CREB5: variants seen among roughly 807,000 people sequenced by gnomAD.
CREB5 encodes cyclic AMP-responsive element-binding protein 5.
A neutral mutation model predicts 57.1 loss-of-function variants in CREB5; 19 were observed. That is an observed-to-expected ratio of 0.33 (90% CI 0.23 to 0.49). CREB5 has a LOEUF of 0.49. Ranked by LOEUF, CREB5 falls within the 20% of genes least tolerant of loss-of-function variation. CREB5 has a pLI of 0.99. For missense variants in CREB5, 579 were observed against 671.6 expected (o/e 0.86, Z 1.52); for synonymous variants, 238 against 238.3 (o/e 1.00, Z 0.01).
chr7:28,652,579 C>A (rs968824346), intron 5 of CREB5, among the ~76,000 whole-genome samples: 1 of 152,178 alleles, frequency 6.6e-6, no homozygotes, highest in African/African-American at 2.4e-5. Context: ...CCTCTACTTT[C>A]TTTGAGCCTT....
intron 1 of CREB5, among the ~76,000 whole-genome samples, chr7:28,350,582 A>C (rs1236912642): frequency 1.3e-5 from 2 of 152,048 alleles, no homozygotes; most frequent in African/African-American, 4.8e-5. Flanking sequence ...AAGCAAACAA[A>C]AAACAAACAA....
chr7:28,804,534 C>A lies in CREB5; in HGVS notation c.1026+12C>A. 1 of 1,611,266 alleles carries A rather than the reference C, an allele frequency of 6.2e-7. No individual in the cohort carries two copies. The highest frequency in any genetic ancestry group is 1.1e-5 in the South Asian group (1 of 91,016). On this transcript the variant is annotated intron_variant, in intron 8 of 10. Transcript: ENST00000357727. Reference sequence around the variant, plus strand: ...GCAACCAAGCACAGGTAGACCTTTTCCGTGATCTCTTTCCCCTTCTTATTC... The same window carrying A: ...GCAACCAAGCACAGGTAGACCTTTTACGTGATCTCTTTCCCCTTCTTATTC...
intron 4 of CREB5, among the ~76,000 whole-genome samples, chr7:28,529,887 A>ATT (rs1793647361): frequency 6.6e-6 from 1 of 152,218 alleles, no homozygotes; most frequent in Non-Finnish European, 1.5e-5. Flanking sequence ...CGGTGAGGCT[A>ATT]TTTGGGACAC....
At chr7:28,497,516 G>GT (rs1173489509) in intron 3 of CREB5, among the ~76,000 whole-genome samples, 2 of 152,172 alleles carry the variant, frequency 1.3e-5, no homozygotes, top group Non-Finnish European at 1.5e-5. Context: ...CTTTCTCATG[G>GT]TTTATGTTGA....
chr7:28,415,072 T>C (rs1156688491), intron 1 of CREB5, among the ~76,000 whole-genome samples: 2 of 152,186 alleles, frequency 1.3e-5, no homozygotes, highest in African/African-American at 4.8e-5. Context: ...CTTTCTTCTA[T>C]TTCCTTAAGG....
In CREB5 at chr7:28,416,593, C is replaced by T. The variant is rs374115901; in HGVS notation, c.3+3676C>T. On this transcript the variant is annotated intron_variant, in intron 1 of 10. Coordinates refer to ENST00000357727, the MANE Select transcript of CREB5 (RefSeq NM_182898.4). ...GCACCATCATGAAGGGTCTGATTTG[C>T]CTCACTGCAATGACAACATTGTGCA... 2.2e-3 allele frequency among the ~76,000 whole-genome samples: 331 copies of T among 152,262 alleles called. 5 individuals carry two copies. Among genetic ancestry groups the T allele is most frequent in the Middle Eastern group, 0.01 (3 of 294 alleles).
At chr7:28,477,945 T>C (rs1366928220) in intron 1 of CREB5, among the ~76,000 whole-genome samples, 2 of 152,042 alleles carry the variant, frequency 1.3e-5, no homozygotes, top group African/African-American at 4.8e-5. Flanking sequence ...GGAGACCCTA[T>C]CTCTACAAAA....
At chr7:28,645,631 C>T (rs1404499097) in intron 5 of CREB5, among the ~76,000 whole-genome samples, 1 of 152,080 alleles carries the variant, frequency 6.6e-6, no homozygotes, top group East Asian at 1.9e-4. Flanking sequence ...AACTAAAATG[C>T]CTTATGATCA....
intron 1 of CREB5, among the ~76,000 whole-genome samples, chr7:28,395,821 C>T (rs1294004251): frequency 6.6e-6 from 1 of 150,424 alleles, no homozygotes; most frequent in Admixed American, 6.6e-5. Context: ...TCTGTAGTAA[C>T]TCTAGGCAAA....
intron 5 of CREB5, among the ~76,000 whole-genome samples, chr7:28,610,573 C>T (rs1325015137): frequency 1.3e-5 from 2 of 152,162 alleles, no homozygotes; most frequent in African/African-American, 4.8e-5. Flanking sequence ...TGACAGGCTT[C>T]CCGAAGATAA....
At chr7:28,656,525 C>T (rs2128709807) in intron 5 of CREB5, among the ~76,000 whole-genome samples, 2 of 152,300 alleles carry the variant, frequency 1.3e-5, no homozygotes, top group Middle Eastern at 6.8e-3. Context: ...ATCATAGCAG[C>T]ATCGTGTATA....
intron 1 of CREB5, among the ~76,000 whole-genome samples, chr7:28,472,872 CCT>C (rs1790888845): frequency 6.6e-6 from 1 of 152,156 alleles, no homozygotes; most frequent in African/African-American, 2.4e-5. Context: ...TTACCTGGGG[CCT>C]CTCTCTTTCT....
At chr7:28,644,129 GAAAGAAAAAGAAAAGA>G (rs780453924) in intron 5 of CREB5, among the ~76,000 whole-genome samples, 94 of 150,186 alleles carry the variant, frequency 6.3e-4, no homozygotes, top group Non-Finnish European at 1.0e-3. Context: ...GAGAGGGAGA[GAAAGAAAAAGAAAAGA>G]AAAGAAAAAG....
chr7:28,710,881 C>T (rs754233456), intron 5 of CREB5, among the ~76,000 whole-genome samples: 13 of 152,148 alleles, frequency 8.5e-5, no homozygotes, highest in Non-Finnish European at 1.9e-4. Flanking sequence ...GATAAATGTT[C>T]CTAGAGAAAT....
At chr7:28,489,721 C>T (rs1791719378) in intron 2 of CREB5, among the ~76,000 whole-genome samples, 1 of 152,110 alleles carries the variant, frequency 6.6e-6, no homozygotes, top group Admixed American at 6.5e-5. Flanking sequence ...ACTGAACAAC[C>T]AGAGTCCTTT....
At chr7:28,308,796 G>T (rs1785229078) in intron 1 of CREB5, among the ~76,000 whole-genome samples, 1 of 152,196 alleles carries the variant, frequency 6.6e-6, no homozygotes, top group African/African-American at 2.4e-5. Context: ...TCGGCAATGA[G>T]TTGAGATCTT....
At chr7:28,559,116 T>A (rs1470481981) in intron 4 of CREB5, among the ~76,000 whole-genome samples, 1 of 152,176 alleles carries the variant, frequency 6.6e-6, no homozygotes, top group Non-Finnish European at 1.5e-5. Flanking sequence ...GCCTCAGGAC[T>A]CCTTTCCTCA....
chr7:28,600,401 A>G (rs1796871533), intron 5 of CREB5, among the ~76,000 whole-genome samples: 1 of 152,226 alleles, frequency 6.6e-6, no homozygotes, highest in Non-Finnish European at 1.5e-5. Flanking sequence ...CTGATGAGCA[A>G]TTCTTACATG....
intron 1 of CREB5, among the ~76,000 whole-genome samples, chr7:28,385,868 T>C (rs923987723): frequency 9.2e-5 from 14 of 152,134 alleles, no homozygotes; most frequent in Admixed American, 2.6e-4. Flanking sequence ...TAGAGTGCTG[T>C]GGCTTCAAGG....
Sources: gnomAD v4.1 joint callset for allele counts (sites outside exome capture counted in the v4.1 genomes callset) on GRCh38, gnomAD v4.1.1 for gene constraint, MANE v1.5 for transcripts, NCBI Gene and HGNC (gene_info 2026-07-23, HGNC 2026-07-21) for gene names.